CTNND2: variants seen among roughly 807,000 people sequenced by gnomAD.
CTNND2 encodes the protein catenin delta-2.
Under a neutral mutation model 144.4 loss-of-function variants are expected in CTNND2, and 22 were observed. The ratio of observed to expected loss-of-function variants is 0.15; its 90% CI spans 0.11 to 0.22. The LOEUF (loss-of-function observed/expected upper bound fraction) is 0.22. Among genes scored for constraint, CTNND2 ranks in the 10% least tolerant of loss-of-function variants. The pLI is 1.00. For synonymous variants in CTNND2, 751 were observed against 695.6 expected, an observed-to-expected ratio of 1.08 and a Z score of -1.25; for missense variants, 1,353 against 1,618.8, an observed-to-expected ratio of 0.84 and a Z score of 2.82.
chr5:11,388,434 T>C (rs1759306155), intron 6 of CTNND2, among the ~76,000 whole-genome samples: 1 of 152,228 alleles, frequency 6.6e-6, no homozygotes, highest in Admixed American at 6.5e-5. Context: ...TACTTAACTT[T>C]AATTAAGTTA....
chr5:11,116,734 A>G (rs1753583405), intron 13 of CTNND2, among the ~76,000 whole-genome samples: 1 of 152,182 alleles, frequency 6.6e-6, no homozygotes. Context: ...AACAGTTGTT[A>G]AAAAGCAAGT....
intron 2 of CTNND2, among the ~76,000 whole-genome samples, chr5:11,574,086 T>C (rs780749042): frequency 1.3e-5 from 2 of 152,046 alleles, no homozygotes; most frequent in Non-Finnish European, 2.9e-5. Context: ...CCTGGGTCCA[T>C]TCCCCGAGAA....
chr5:11,067,408 T>C (rs527349223), intron 16 of CTNND2, among the ~76,000 whole-genome samples: 1 of 152,326 alleles, frequency 6.6e-6, no homozygotes, highest in South Asian at 2.1e-4. Context: ...GAAGAAATAC[T>C]TTCCTTACTC....
At chr5:11,854,882 T>TCA (rs1023179501) in intron 1 of CTNND2, among the ~76,000 whole-genome samples, 1 of 152,224 alleles carries the variant, frequency 6.6e-6, no homozygotes, top group Non-Finnish European at 1.5e-5. Context: ...CCAAATATGA[T>TCA]GATGCCTGTA....
intron 18 of CTNND2, among the ~76,000 whole-genome samples, chr5:11,016,577 TG>T (rs1741624695): frequency 6.6e-6 from 1 of 152,134 alleles, no homozygotes. Context: ...GGGCTATAGA[TG>T]GGGATGGAGG....
At chr5:11,570,482 CACTT>C (rs1777475542) in intron 2 of CTNND2, among the ~76,000 whole-genome samples, 1 of 152,172 alleles carries the variant, frequency 6.6e-6, no homozygotes, top group Non-Finnish European at 1.5e-5. Context: ...TCTACTCTCA[CACTT>C]AGTGAATAAT....
chr5:11,743,878 C>T (rs994544285), intron 1 of CTNND2, among the ~76,000 whole-genome samples: 16 of 152,130 alleles, frequency 1.1e-4, no homozygotes, highest in African/African-American at 3.1e-4. Context: ...CATTCTGTAT[C>T]CTTGCATGAG....
intron 9 of CTNND2, among the ~76,000 whole-genome samples, chr5:11,260,609 A>G (rs867340379): frequency 2.6e-5 from 4 of 152,310 alleles, no homozygotes; most frequent in South Asian, 2.1e-4. Context: ...AAGGCAAGAG[A>G]GCACACACAA....
At chr5:11,179,368 C>T (rs1475405284) in intron 11 of CTNND2, among the ~76,000 whole-genome samples, 1 of 152,046 alleles carries the variant, frequency 6.6e-6, no homozygotes, top group African/African-American at 2.4e-5. Context: ...AAACAGAGCA[C>T]TGTACTATAT....
At chr5:11,173,882 G>T (rs142078058) in intron 11 of CTNND2, among the ~76,000 whole-genome samples, 97 of 152,312 alleles carry the variant, frequency 6.4e-4, no homozygotes, top group Middle Eastern at 3.4e-3. Context: ...CAAAAGGATG[G>T]TTGGTTTTTA....
intron 1 of CTNND2, among the ~76,000 whole-genome samples, chr5:11,740,545 T>C (rs1314084759): frequency 2.6e-5 from 4 of 152,108 alleles, no homozygotes; most frequent in Non-Finnish European, 5.9e-5. Flanking sequence ...TAATTCAAGA[T>C]AGATTAAAGA....
intron 8 of CTNND2, among the ~76,000 whole-genome samples, chr5:11,352,159 CA>C (rs1264352824): frequency 6.6e-6 from 1 of 152,146 alleles, no homozygotes; most frequent in Non-Finnish European, 1.5e-5. Flanking sequence ...GCATTTAATG[CA>C]TGATTCTTAG....
chr5:11,759,346 A>T (rs190367019), intron 1 of CTNND2, among the ~76,000 whole-genome samples: 3 of 152,236 alleles, frequency 2.0e-5, no homozygotes, highest in Admixed American at 6.6e-5. Context: ...TATTAAAAGC[A>T]TACTAGCAAA....
intron 1 of CTNND2, among the ~76,000 whole-genome samples, chr5:11,859,775 G>A (rs1056977418): frequency 6.6e-6 from 1 of 152,090 alleles, no homozygotes; most frequent in African/African-American, 2.4e-5. Context: ...TTTCTCAGTA[G>A]CAAAATTCAT....
chr5:11,431,087 GCTATTCTTTACTGA>G (rs1763248071), intron 3 of CTNND2, among the ~76,000 whole-genome samples: 1 of 152,178 alleles, frequency 6.6e-6, no homozygotes, highest in Non-Finnish European at 1.5e-5. Flanking sequence ...ATATCGGGCA[GCTATTCTTTACTGA>G]GGTTATATCA....
At chr5:11,360,593 C>A (rs1470643109) in intron 8 of CTNND2, among the ~76,000 whole-genome samples, 6 of 152,178 alleles carry the variant, frequency 3.9e-5, no homozygotes, top group Non-Finnish European at 8.8e-5. Context: ...CAAATCCACA[C>A]CTTTCCATGC....
intron 18 of CTNND2, among the ~76,000 whole-genome samples, chr5:10,996,708 C>T (rs887904919): frequency 6.6e-6 from 1 of 152,142 alleles, no homozygotes; most frequent in Admixed American, 6.5e-5. Flanking sequence ...AAGCAATTCT[C>T]GTGCCTCAGC....
chr5:11,551,607 G>A, intron 3 of CTNND2, among the ~76,000 whole-genome samples: 1 of 150,312 alleles, frequency 6.7e-6, no homozygotes, highest in East Asian at 2.0e-4. Flanking sequence ...TTCTTTGTTT[G>A]TTTGTTTTGA....
chr5:11,501,144 C>T (rs1770487638), intron 3 of CTNND2, among the ~76,000 whole-genome samples: 2 of 152,094 alleles, frequency 1.3e-5, no homozygotes. Context: ...TATTAGATAG[C>T]CTGTAAAAAC....
Sources: gnomAD v4.1 joint callset for allele counts (sites outside exome capture counted in the v4.1 genomes callset) on GRCh38, gnomAD v4.1.1 for gene constraint, MANE v1.5 for transcripts, NCBI Gene and HGNC (gene_info 2026-07-23, HGNC 2026-07-21) for gene names.